Variants in ZNF208 observed in about 807,000 individuals in gnomAD.
ZNF208 encodes zinc finger protein 208, also known as zinc finger protein 95.
In ZNF208, 10 loss-of-function variants were observed where a neutral mutation model predicts 12.1. That is an observed-to-expected ratio of 0.83 (90% CI 0.51 to 1.40). ZNF208 has a LOEUF of 1.40. ZNF208 is among the 40% of genes most tolerant of loss of function. The probability of loss-of-function intolerance (pLI) is 0.00; values close to 1 mark genes in which losing one functional copy is unlikely to be tolerated. For missense variants in ZNF208, 1,652 were observed against 1,485.0 expected (o/e 1.11, Z -1.85); for synonymous variants, 497 against 488.4 (o/e 1.02, Z -0.23).
intron 1 of ZNF208, among the ~76,000 whole-genome samples, chr19:21,990,973 CG>C: frequency 6.6e-6 from 1 of 152,228 alleles, no homozygotes; most frequent in Admixed American, 6.5e-5. Context: ...GAGACTTTGT[CG>C]AAGTTGCTTA....
rs1264846519 is a variant in ZNF208, at chr19:21,966,786, A to G, written c.*4405T>C. 1 of 152,142 alleles carries G rather than the reference A, an allele frequency of 6.6e-6. No individual in the cohort carries two copies. Among genetic ancestry groups the G allele is most frequent in the Non-Finnish European group, 1.5e-5 (1 of 68,000 alleles). 9.4% of individuals were successfully genotyped at this position (152,142 alleles called of 1,614,324 possible). ...CATCTTATTTATCTTACTTTTAATA[A>G]GTCATTCTTACTGGTATGAAATAGT... On this transcript the variant is annotated 3_prime_UTR_variant, in exon 4 of 4. Coordinates refer to ENST00000397126, the MANE Select transcript of ZNF208 (RefSeq NM_007153.3).
At chr19:21,946,941 G>GGC (rs1465660197) in intron 4 of ZNF208, among the ~76,000 whole-genome samples, 1 of 143,702 alleles carries the variant, frequency 7.0e-6, no homozygotes, top group Non-Finnish European at 1.5e-5. Flanking sequence ...AGAACTTCCA[G>GGC]TCTTTTTTTT....
chr19:21,979,697 G>A (rs1354925562), intron 3 of ZNF208, among the ~76,000 whole-genome samples: 20 of 152,024 alleles, frequency 1.3e-4, no homozygotes, highest in African/African-American at 2.4e-4. Flanking sequence ...ACCAGCTAGC[G>A]TCATAATGAC....
intron 4 of ZNF208, among the ~76,000 whole-genome samples, chr19:21,942,540 A>G (rs1969757284): frequency 6.6e-6 from 1 of 152,176 alleles, no homozygotes; most frequent in African/African-American, 2.4e-5. Context: ...TTCTGTCTTC[A>G]ATGTTGTTTA....
rs1971139802 is a variant in ZNF208 at position 22,010,937 on chromosome 19, A to C, written c.-143T>G. ...CCTTGACCTCCGGCTGCAGCGAGAG[A>C]CAAAGGACCGACCACATCCCGGAAG... On this transcript the variant is annotated 5_prime_UTR_variant, in exon 1 of 4. Coordinates refer to ENST00000397126, the MANE Select transcript of ZNF208 (RefSeq NM_007153.3). 1 of 1,259,866 alleles carries C rather than the reference A, an allele frequency of 7.9e-7. No homozygotes were observed. The highest frequency in any genetic ancestry group is 1.1e-6 in the Non-Finnish European group (1 of 875,886). The allele number at this position is 1,259,866 out of a possible 1,614,324, so 78.0% of individuals were successfully genotyped here. A position where few individuals can be genotyped will look rare whatever the true frequency, so the allele number is the denominator to read the frequency against.
intron 1 of ZNF208, among the ~76,000 whole-genome samples, chr19:22,003,012 T>G (rs1178267211): frequency 1.3e-5 from 2 of 152,106 alleles, no homozygotes; most frequent in East Asian, 3.9e-4. Context: ...CATAGGTCAA[T>G]GCAACAGAAT....
rs1204526295 is a variant in ZNF208, at chr19:22,007,022, T to C, written c.3+3770A>G. 2.0e-5 allele frequency among the ~76,000 whole-genome samples: 3 copies of C among 152,294 alleles called. 1 individual carries two copies. Among genetic ancestry groups the C allele is most frequent in the Non-Finnish European group, 4.4e-5 (3 of 68,030 alleles). Reference sequence around the variant, plus strand: ...AAAAACAGGATATAGAACAAAGATATTTATTTTTGCAAATTCACCCTGCAA... The same window carrying C: ...AAAAACAGGATATAGAACAAAGATACTTATTTTTGCAAATTCACCCTGCAA... On this transcript the variant is annotated intron_variant, in intron 1 of 3. Transcript: ENST00000397126.
intron 4 of ZNF208, among the ~76,000 whole-genome samples, chr19:21,944,285 A>G (rs2145510222): frequency 6.6e-6 from 1 of 152,346 alleles, no homozygotes; most frequent in South Asian, 2.1e-4. Context: ...GGCTCCCCAA[A>G]TGAACCAAAA....
In ZNF208 at chr19:21,972,707, G is replaced by A; in HGVS notation, c.2327C>T (p.Pro776Leu). ...TTTGCCACATTCTTCACATTTGTAG[G>A]GTTTCTCTACAGTATGAATTTTCTT... The part of the protein sequence containing the change: ...YHKKIHTVEK[P>L]YKCEECGKAF... The change falls in exon 4 of 4, where the codon CCC becomes CTC. Residue 776 changes from proline to leucine, a missense_variant. Pro to Leu is a moderately conservative substitution (Grantham distance 98). Coordinates refer to ENST00000397126, the MANE Select transcript of ZNF208 (RefSeq NM_007153.3). 6.3e-7 allele frequency: 1 copy of A among 1,590,602 alleles called. No homozygotes were observed. Among genetic ancestry groups the A allele is most frequent in the South Asian group, 1.1e-5 (1 of 88,988 alleles).
chr19:21,968,414 T>C lies in ZNF208; in HGVS notation c.*2777A>G, dbSNP rs1190452235. 6.6e-6 allele frequency: 1 copy of C among 152,166 alleles called. No homozygotes were observed. The highest frequency in any genetic ancestry group is 1.9e-4 in the East Asian group (1 of 5,202). 9.4% of individuals were successfully genotyped at this position (152,166 alleles called of 1,614,324 possible). On this transcript the variant is annotated 3_prime_UTR_variant, in exon 4 of 4. Transcript: ENST00000397126. ...GTTGACAACATTTTTGAGTTAATAT[T>C]GGGTTTTCTTGAATGCTTTTTCTGC...
At chr19:21,974,835 G>A in intron 3 of ZNF208, 28 bp from the exon 4 acceptor site, 3 of 1,499,904 alleles carry the variant, frequency 2.0e-6, no homozygotes, top group African/African-American at 1.4e-5. Flanking sequence ...TCACAAATTA[G>A]CCTACTTATT....
chr19:21,941,256 A>T, intron 4 of ZNF208: 1 of 399,216 alleles, frequency 2.5e-6, no homozygotes, highest in Non-Finnish European at 4.4e-6. Context: ...AATGAAAGTC[A>T]AAGAAAATTA....
intron 4 of ZNF208, among the ~76,000 whole-genome samples, chr19:21,947,686 C>G (rs963687590): frequency 2.6e-5 from 4 of 152,180 alleles, no homozygotes; most frequent in Non-Finnish European, 4.4e-5. Context: ...TGTTCTTCAT[C>G]AAACTACACT....
Position 21,971,966 on chromosome 19 carries a change from T to G in ZNF208, c.3068A>C (p.His1023Pro). The part of the protein sequence containing the change: ...SSNLMEHKKI[H>P]TGETPYKCEE... ...ACATTTGTAGGGTGTCTCTCCAGTGTGAATTTTCTTATGTTCCATAAGGTT... is the reference window on the plus strand; with the variant it reads ...ACATTTGTAGGGTGTCTCTCCAGTGGGAATTTTCTTATGTTCCATAAGGTT... Residue 1023 changes from histidine to proline, a missense_variant, in exon 4 of 4, where the codon CAC becomes CCC. Coordinates refer to ENST00000397126, the MANE Select transcript of ZNF208 (RefSeq NM_007153.3). 6.3e-7 allele frequency: 1 copy of G among 1,576,384 alleles called. No individual in the cohort carries two copies. The highest frequency in any genetic ancestry group is 1.1e-5 in the South Asian group (1 of 90,106).
At chr19:22,010,728 C>A in intron 1 of ZNF208, 64 bp downstream of exon 1, 1 of 1,613,964 alleles carries the variant, frequency 6.2e-7, no homozygotes, top group Non-Finnish European at 8.5e-7. Flanking sequence ...CCGCCACAGC[C>A]ACTTCCCACC....
At position 21,974,662 on chromosome 19, in the gene ZNF208, C is replaced by G; in HGVS notation, c.372G>C (p.Lys124Asn). The change falls in exon 4 of 4, where the codon AAG becomes AAC. Residue 124 changes from lysine to asparagine, a missense_variant. This residue lies in a region of ZNF208 where 410 missense variants were observed against 378.2 expected (regional missense o/e 1.08). Coordinates refer to ENST00000397126, the MANE Select transcript of ZNF208 (RefSeq NM_007153.3). ...KIGYTNVDEC[K>N]VHKEGYNKLN... ...GTTTATTATAACCTTCTTTGTGCAC[C>G]TTACACTCATCCACATTGGTATAAC... 1.9e-6 allele frequency: 3 copies of G among 1,613,632 alleles called. No individual in the cohort carries two copies.
At chr19:21,991,921 C>T (rs1002842535) in intron 1 of ZNF208, among the ~76,000 whole-genome samples, 19 of 150,488 alleles carry the variant, frequency 1.3e-4, no homozygotes, top group Non-Finnish European at 2.9e-5. Context: ...GAGATAAAGT[C>T]TGAGTTACTG....
At chr19:21,983,905 C>T (rs753256006) in intron 3 of ZNF208, among the ~76,000 whole-genome samples, 11 of 152,096 alleles carry the variant, frequency 7.2e-5, no homozygotes, top group Admixed American at 5.2e-4. Flanking sequence ...ATGTAGATAA[C>T]GAGTTGATGG....
At chr19:21,962,564 C>G (rs1363407855), downstream of ZNF208, among the ~76,000 whole-genome samples, 1 of 151,996 alleles carries the variant, frequency 6.6e-6, no homozygotes, top group Non-Finnish European at 1.5e-5. Flanking sequence ...CTTCTATCTG[C>G]ATTCTCTTTC....
Sources: allele counts gnomAD v4.1 joint callset (sites outside exome capture counted in the v4.1 genomes callset), GRCh38; gene constraint gnomAD v4.1.1; regional missense constraint gnomAD v4.1.1; transcripts MANE v1.5; gene names NCBI Gene and HGNC (gene_info 2026-07-23, HGNC 2026-07-21).